DLG2: variants seen among roughly 807,000 people sequenced by gnomAD.
DLG2 encodes discs large MAGUK scaffold protein 2, also known as disks large homolog 2.
DLG2 carries 45 observed loss-of-function variants against 132.5 expected under a neutral mutation model. That is an observed-to-expected ratio of 0.34 (90% CI 0.27 to 0.44). The LOEUF (loss-of-function observed/expected upper bound fraction) is 0.44, where lower values mean the gene tolerates loss of function less well. Ranked by LOEUF, DLG2 falls within the 20% of genes least tolerant of loss-of-function variation. DLG2 has a pLI of 1.00. For missense variants in DLG2, 1,045 were observed against 1,196.9 expected (o/e 0.87, Z 1.87); for synonymous variants, 424 against 419.6 (o/e 1.01, Z -0.13).
chr11:84,499,912 T>C (rs2099198129), intron 7 of DLG2, among the ~76,000 whole-genome samples: 1 of 152,146 alleles, frequency 6.6e-6, no homozygotes, highest in Non-Finnish European at 1.5e-5. Flanking sequence ...CCCTGAGAAG[T>C]TGTCTGATCA....
At chr11:85,556,509 T>C (rs894083615) in intron 3 of DLG2, among the ~76,000 whole-genome samples, 2 of 151,990 alleles carry the variant, frequency 1.3e-5, no homozygotes, top group African/African-American at 4.8e-5. Context: ...TGTATTCTTC[T>C]AGTGTTTACA....
At chr11:84,506,463 T>C (rs1423080541) in intron 7 of DLG2, among the ~76,000 whole-genome samples, 4 of 151,968 alleles carry the variant, frequency 2.6e-5, no homozygotes, top group Non-Finnish European at 4.4e-5. Flanking sequence ...CGGAGAGAAA[T>C]TTAAAGATGC....
chr11:83,780,505 T>C (rs1480583680), intron 18 of DLG2, among the ~76,000 whole-genome samples: 6 of 152,212 alleles, frequency 3.9e-5, no homozygotes, highest in East Asian at 1.9e-4. Flanking sequence ...TCAAATTTTA[T>C]AGTGAAGCCT....
chr11:85,290,768 C>T (rs567445317), intron 3 of DLG2, among the ~76,000 whole-genome samples: 1 of 152,094 alleles, frequency 6.6e-6, no homozygotes, highest in South Asian at 2.1e-4. Context: ...GCTGAGAGAG[C>T]CCCTATTCAG....
In DLG2 at chr11:83,932,693, A is replaced by T. The variant is rs2080555844; in HGVS notation, c.1341-2210T>A. Among the ~76,000 whole-genome samples, 4 of 119,654 alleles carry T rather than the reference A, an allele frequency of 3.3e-5. No homozygotes were observed. The South Asian group carries it at 1.5e-3, about 44-fold the overall frequency. 78.5% of individuals were successfully genotyped at this position (119,654 alleles called of 152,430 possible). Reference sequence around the variant, plus strand: ...TAGTAGGTATTTGGTAAATGTTTGAATGAATAGATAATTTTTTTTTTTTTT... The same window carrying T: ...TAGTAGGTATTTGGTAAATGTTTGATTGAATAGATAATTTTTTTTTTTTTT... On this transcript the variant is annotated intron_variant, in intron 14 of 27. Coordinates refer to ENST00000376104, the MANE Select transcript of DLG2 (RefSeq NM_001142699.3).
intron 3 of DLG2, among the ~76,000 whole-genome samples, chr11:85,549,717 G>C (rs2076553872): frequency 6.6e-6 from 1 of 152,160 alleles, no homozygotes; most frequent in South Asian, 2.1e-4. Flanking sequence ...CAAGAAAGAA[G>C]CTGATCAAAA....
chr11:83,786,646 C>A, intron 18 of DLG2, 44 bp downstream of exon 18: 3 of 1,521,780 alleles, frequency 2.0e-6, no homozygotes, highest in Middle Eastern at 3.4e-4. Context: ...TACAGATCCA[C>A]ACAGAGACAT....
chr11:84,467,126 A>G (rs1265447039), intron 7 of DLG2, among the ~76,000 whole-genome samples: 4 of 151,362 alleles, frequency 2.6e-5, no homozygotes, highest in Non-Finnish European at 4.4e-5. Context: ...GAGCTAGGAC[A>G]TCTTGTGAAA....
intron 6 of DLG2, among the ~76,000 whole-genome samples, chr11:85,022,164 G>A (rs1226540465): frequency 6.6e-6 from 1 of 151,704 alleles, no homozygotes; most frequent in Non-Finnish European, 1.5e-5. Context: ...AGGCACTATG[G>A]TTATTTCTAA....
chr11:84,213,216 C>T (rs966697758), intron 8 of DLG2, among the ~76,000 whole-genome samples: 1 of 152,166 alleles, frequency 6.6e-6, no homozygotes, highest in African/African-American at 2.4e-5. Context: ...GGATTAATCA[C>T]CCCCATCTAA....
chr11:83,744,383 C>T (rs990267651), intron 18 of DLG2, among the ~76,000 whole-genome samples: 1 of 152,106 alleles, frequency 6.6e-6, no homozygotes, highest in Non-Finnish European at 1.5e-5. Flanking sequence ...GACCTGTGGT[C>T]CTACACATAA....
intron 7 of DLG2, among the ~76,000 whole-genome samples, chr11:84,455,632 T>TA (rs1001491355): frequency 1.2e-4 from 18 of 150,414 alleles, no homozygotes; most frequent in South Asian, 4.2e-4. Context: ...GCCAAGTGGT[T>TA]AAAAAAAAAT....
intron 6 of DLG2, among the ~76,000 whole-genome samples, chr11:84,796,680 AT>A (rs913887843): frequency 1.2e-4 from 16 of 133,214 alleles, no homozygotes; most frequent in African/African-American, 3.7e-4. Flanking sequence ...TTCTAGGGTA[AT>A]TTTTTTCCCC....
chr11:84,164,682 C>CA (rs1389283393), intron 8 of DLG2, among the ~76,000 whole-genome samples: 4 of 152,108 alleles, frequency 2.6e-5, no homozygotes, highest in Admixed American at 2.0e-4. Context: ...TCTTTTGTAA[C>CA]AAAAAATTGA....
chr11:84,093,945 A>G (rs1324163457), intron 10 of DLG2, among the ~76,000 whole-genome samples: 1 of 151,058 alleles, frequency 6.6e-6, no homozygotes, highest in East Asian at 1.9e-4. Context: ...TGCTTACCAC[A>G]GTGGGTCTTT....
At chr11:85,583,426 A>G (rs913414305) in intron 3 of DLG2, among the ~76,000 whole-genome samples, 28 of 151,232 alleles carry the variant, frequency 1.9e-4, no homozygotes, top group Admixed American at 1.5e-3. Flanking sequence ...GCCTCAAGTG[A>G]TCCTCCCACC....
At chr11:85,393,629 ATGTG>A (rs35765389) in intron 3 of DLG2, among the ~76,000 whole-genome samples, 112 of 143,808 alleles carry the variant, frequency 7.8e-4, no homozygotes, top group Middle Eastern at 3.5e-3. Context: ...TGGTATGCAT[ATGTG>A]TGTGTGTGTG....
intron 2 of DLG2, among the ~76,000 whole-genome samples, chr11:85,616,285 A>C (rs2081333462): frequency 6.6e-6 from 1 of 152,182 alleles, no homozygotes; most frequent in Non-Finnish European, 1.5e-5. Context: ...ATTTGATGGG[A>C]AAAAGAAACA....
At chr11:85,210,304 T>C (rs1031643892) in intron 4 of DLG2, among the ~76,000 whole-genome samples, 3 of 152,100 alleles carry the variant, frequency 2.0e-5, no homozygotes, top group African/African-American at 7.2e-5. Context: ...CCTAATTCAC[T>C]GTGCTCCAGA....
Sources: allele counts gnomAD v4.1 joint callset (sites outside exome capture counted in the v4.1 genomes callset), GRCh38; gene constraint gnomAD v4.1.1; transcripts MANE v1.5; gene names NCBI Gene and HGNC (gene_info 2026-07-23, HGNC 2026-07-21).